Variants in FUBP3 observed in about 807,000 individuals in gnomAD.
The protein encoded by FUBP3 is far upstream element binding protein 3, also known as far upstream element-binding protein 3.
FUBP3 carries 28 observed loss-of-function variants against 85.6 expected under a neutral mutation model. The observed-to-expected ratio is 0.33, with a 90% CI of 0.24 to 0.45. The LOEUF (loss-of-function observed/expected upper bound fraction) is 0.45. Ranked by LOEUF, FUBP3 falls within the 20% of genes least tolerant of loss-of-function variation. FUBP3 has a pLI of 1.00. For missense variants in FUBP3, 583 were observed against 755.1 expected, an observed-to-expected ratio of 0.77 and a Z score of 2.67; for synonymous variants, 271 against 271.4, an observed-to-expected ratio of 1.00 and a Z score of 0.01.
intron 1 of FUBP3, among the ~76,000 whole-genome samples, chr9:130,595,008 C>T (rs1032606499): frequency 9.9e-5 from 15 of 151,956 alleles, no homozygotes; most frequent in African/African-American, 3.6e-4. Context: ...GGGCAGATCA[C>T]CCGAGGTTGG....
chr9:130,582,946 G>A (rs899871026), intron 1 of FUBP3, among the ~76,000 whole-genome samples: 3 of 152,106 alleles, frequency 2.0e-5, no homozygotes, highest in African/African-American at 7.2e-5. Flanking sequence ...ATACTTTTTA[G>A]GACTTTAAAA....
rs1564223205 is a variant in FUBP3, at chr9:130,628,127, C to CA, written c.1117+1622_1117+1623insA. Among the ~76,000 whole-genome samples the CA allele has an allele frequency of 1.3e-3, 190 of 141,776 alleles. 2 individuals are homozygous for CA. In the South Asian group the frequency reaches 0.018, roughly 14 times the overall value. The allele number at this position is 141,776 out of a possible 152,430, so 93.0% of individuals were successfully genotyped here. A position where few individuals can be genotyped will look rare whatever the true frequency, so the allele number is the denominator to read the frequency against. On this transcript the variant is annotated intron_variant, in intron 12 of 18. Coordinates refer to ENST00000319725, the MANE Select transcript of FUBP3 (RefSeq NM_003934.2). ...GCGCACACACACACACACACACACA[C>CA]CCCCTACCCCTCAGGGCCCATGTGA... is the stretch of plus-strand genomic sequence containing the variant.
At chr9:130,622,872 AGG>A in intron 10 of FUBP3, 62 bp downstream of exon 10, 1 of 811,420 alleles carries the variant, frequency 1.2e-6, no homozygotes, top group Non-Finnish European at 2.0e-6. Flanking sequence ...TAGTGTTAAA[AGG>A]ATGATAAAAC....
intron 1 of FUBP3, among the ~76,000 whole-genome samples, chr9:130,589,701 A>ATTT (rs1416100381): frequency 9.3e-4 from 26 of 27,992 alleles, no homozygotes; most frequent in African/African-American, 4.4e-3. Flanking sequence ...ATATATATAT[A>ATTT]TATATTTTTT....
At chr9:130,583,708 GGAGTGA>G (rs1564186711) in intron 1 of FUBP3, among the ~76,000 whole-genome samples, 11 of 152,144 alleles carry the variant, frequency 7.2e-5, no homozygotes, top group African/African-American at 2.7e-4. Context: ...AGTACCTGGC[GGAGTGA>G]GTCTTCCTTA....
At chr9:130,627,899 T>A (rs979167485) in intron 12 of FUBP3, among the ~76,000 whole-genome samples, 1 of 152,200 alleles carries the variant, frequency 6.6e-6, no homozygotes, top group Non-Finnish European at 1.5e-5. Context: ...CCCTTGGTGC[T>A]CACAGAGCAG....
rs1021911963 is a variant in FUBP3, at chr9:130,636,927, C to T, written c.1711-87C>T. 2.0e-5 allele frequency: 23 copies of T among 1,132,732 alleles called. No individual in the cohort carries two copies. The African/African-American group carries it at 2.4e-4, about 12-fold the overall frequency. The allele number at this position is 1,132,732 out of a possible 1,614,324, so 70.2% of individuals were successfully genotyped here. ...CAGAGGTTTTGTCTGGCCCAGCTCC[C>T]GTGACGCGAGACCTGGGGGAGGTCA... On this transcript the variant is annotated intron_variant, in intron 18 of 18. Transcript: ENST00000319725.
intron 1 of FUBP3, among the ~76,000 whole-genome samples, chr9:130,587,441 A>G (rs1185671857): frequency 2.0e-5 from 3 of 152,122 alleles, no homozygotes; most frequent in Non-Finnish European, 2.9e-5. Flanking sequence ...TGGGAGTGTC[A>G]CATTTAGGGC....
chr9:130,613,160 A>G (rs949763900), intron 5 of FUBP3, 133 bp downstream of exon 5: 2 of 634,318 alleles, frequency 3.2e-6, no homozygotes, highest in Non-Finnish European at 5.6e-6. Context: ...TGGGAGTTGG[A>G]CTCCTAAATG....
intron 1 of FUBP3, chr9:130,581,305 C>CTAAT (rs1164268744): frequency 6.6e-6 from 1 of 152,198 alleles, no homozygotes; most frequent in African/African-American, 2.4e-5. Context: ...AAATGCTGAC[C>CTAAT]TAATGTGGAT....
chr9:130,615,680 A>G (rs535930552), intron 6 of FUBP3, among the ~76,000 whole-genome samples: 38 of 152,308 alleles, frequency 2.5e-4, no homozygotes, highest in African/African-American at 8.9e-4. Context: ...AAATAGCAGG[A>G]CACGTGACAC....
At chr9:130,595,666 T>A (rs1031486129) in intron 2 of FUBP3, 78 bp downstream of exon 2, 2 of 778,452 alleles carry the variant, frequency 2.6e-6, no homozygotes, top group African/African-American at 3.4e-5. Context: ...AGCCATTACC[T>A]TAACGACTCT....
At position 130,579,772 on chromosome 9, in the gene FUBP3, C is replaced by T. The variant is rs13298491; in HGVS notation, c.84+8C>T. On this transcript the variant is annotated splice_region_variant and intron_variant, in intron 1 of 18. Transcript: ENST00000319725. ...CTGCACCGGGTCCGGCAGGTACGGG[C>T]GCAGCCGGCTGGCAGGAGCACGAGA... The T allele has an allele frequency of 5.5e-6, 7 of 1,272,078 alleles. No individual in the cohort carries two copies. The highest frequency in any genetic ancestry group is 7.0e-6 in the Non-Finnish European group (7 of 1,006,488). 78.8% of individuals were successfully genotyped at this position (1,272,078 alleles called of 1,614,324 possible). A position where few individuals can be genotyped will look rare whatever the true frequency, so the allele number is the denominator to read the frequency against.
At chr9:130,618,026 C>A (rs972371039) in intron 8 of FUBP3, 131 bp downstream of exon 8, 34 of 553,970 alleles carry the variant, frequency 6.1e-5, no homozygotes, top group Non-Finnish European at 9.5e-5. Flanking sequence ...CTGTTCTCAA[C>A]AAAGTTTGGT....
chr9:130,613,960 A>C (rs1342248466), intron 5 of FUBP3, among the ~76,000 whole-genome samples: 2 of 152,212 alleles, frequency 1.3e-5, no homozygotes, highest in African/African-American at 2.4e-5. Context: ...AAATGGAGAA[A>C]CTGAGGAATA....
intron 9 of FUBP3, among the ~76,000 whole-genome samples, chr9:130,621,331 A>G (rs962124127): frequency 1.3e-5 from 2 of 152,098 alleles, no homozygotes; most frequent in Non-Finnish European, 2.9e-5. Context: ...CAAAACAAAA[A>G]AAAAAGTATT....
intron 2 of FUBP3, 135 bp downstream of exon 2, chr9:130,595,723 G>C: frequency 1.5e-6 from 1 of 660,518 alleles, no homozygotes; most frequent in Non-Finnish European, 2.8e-6. Flanking sequence ...GAAGTATTTA[G>C]GATGATTTTT....
In FUBP3 at chr9:130,590,021, A is replaced by ATTT. The variant is rs60878897; in HGVS notation, c.85-5434_85-5432dup. Among the ~76,000 whole-genome samples the ATTT allele has an allele frequency of 9.5e-3, 436 of 46,000 alleles. 49 individuals are homozygous for ATTT. The highest frequency in any genetic ancestry group is 0.016 in the East Asian group (20 of 1,258). 30.2% of individuals were successfully genotyped at this position (46,000 alleles called of 152,430 possible). On this transcript the variant is annotated intron_variant, in intron 1 of 18. Coordinates refer to ENST00000319725, the MANE Select transcript of FUBP3 (RefSeq NM_003934.2). ...TGAGCCACCACACCCGGCCTATTTA[A>ATTT]TTTTTTTTTTTTTTTTTTTTTTTTT...
chr9:130,611,447 C>T (rs1831741706), intron 3 of FUBP3, among the ~76,000 whole-genome samples: 2 of 152,118 alleles, frequency 1.3e-5, no homozygotes, highest in South Asian at 4.1e-4. Flanking sequence ...CCGTCTTGTT[C>T]ATAAGCTTGA....
Sources: allele counts gnomAD v4.1 joint callset (sites outside exome capture counted in the v4.1 genomes callset), GRCh38; gene constraint gnomAD v4.1.1; transcripts MANE v1.5; gene names NCBI Gene and HGNC (gene_info 2026-07-23, HGNC 2026-07-21).